The following ADARB1 variants were observed in gnomAD, a reference collection of about 807,000 sequenced individuals.
ADARB1 encodes the protein double-stranded RNA-specific editase 1.
A neutral mutation model predicts 52.4 loss-of-function variants in ADARB1; 10 were observed. The ratio of observed to expected loss-of-function variants is 0.19; its 90% CI spans 0.12 to 0.32. The LOEUF is 0.32. Among genes scored for constraint, ADARB1 ranks in the 10% least tolerant of loss-of-function variants. The pLI, the probability that ADARB1 is intolerant of heterozygous loss-of-function variation, is 1.00. For synonymous variants in ADARB1, 349 were observed against 371.1 expected (o/e 0.94, Z 0.68); for missense variants, 643 against 922.3 (o/e 0.70, Z 3.92).
chr21:45,138,809 G>T (rs1427972109), intron 2 of ADARB1, among the ~76,000 whole-genome samples: 1 of 152,118 alleles, frequency 6.6e-6, no homozygotes, highest in Non-Finnish European at 1.5e-5. Flanking sequence ...CTCGTGGCCT[G>T]TGGGCCCTGG....
At chr21:45,151,510 T>G (rs2090286586) in intron 2 of ADARB1, among the ~76,000 whole-genome samples, 2 of 152,158 alleles carry the variant, frequency 1.3e-5, no homozygotes, top group South Asian at 4.1e-4. Context: ...TTTTTTTTCT[T>G]TTGCCTATGA....
At chr21:45,134,751 A>G in intron 2 of ADARB1, 1 of 529,956 alleles carries the variant, frequency 1.9e-6, no homozygotes, top group South Asian at 1.4e-5. Flanking sequence ...ACCCTCATTC[A>G]TCCAGCGAGC....
intron 2 of ADARB1, among the ~76,000 whole-genome samples, chr21:45,156,002 TCATCCAC>T: frequency 1.5e-5 from 1 of 66,332 alleles, no homozygotes; most frequent in Non-Finnish European, 3.0e-5. Flanking sequence ...CCATCATCCA[TCATCCAC>T]TCACCCACCC....
intron 1 of ADARB1, among the ~76,000 whole-genome samples, chr21:45,112,936 G>A (rs1025815159): frequency 4.6e-5 from 7 of 152,074 alleles, no homozygotes; most frequent in Non-Finnish European, 8.8e-5. Context: ...CAGGCCCTAA[G>A]GGGTGCTGGG....
rs1409317375 is a variant in ADARB1 at position 45,175,900 on chromosome 21, C to T, written c.199C>T (p.Leu67=). 3 of 1,610,320 alleles carry T rather than the reference C, an allele frequency of 1.9e-6. No individual in the cohort carries two copies. The highest frequency in any genetic ancestry group is 2.5e-6 in the Non-Finnish European group (3 of 1,178,424). ...EGSNGHSKYR[L]KKRRKTPGPV... ...CAGCAATGGCCACTCCAAGTACCGCCTGAAGAAAAGGAGGAAAACACCAGG... is the reference window on the plus strand; with the variant it reads ...CAGCAATGGCCACTCCAAGTACCGCTTGAAGAAAAGGAGGAAAACACCAGG... Residue 67 remains leucine (L), a synonymous_variant, in exon 4 of 11, where the codon CTG becomes TTG. Transcript: ENST00000348831.
intron 1 of ADARB1, among the ~76,000 whole-genome samples, chr21:45,096,084 A>G (rs201452508): frequency 6.6e-6 from 1 of 152,246 alleles, no homozygotes; most frequent in African/African-American, 2.4e-5. Flanking sequence ...CGGGTTTGCT[A>G]ATCCTTTATC....
chr21:45,142,868 A>C lies in ADARB1; in HGVS notation c.-48+14295A>C, dbSNP rs1340941499. Among the ~76,000 whole-genome samples, 1 of 152,096 alleles carries C rather than the reference A, an allele frequency of 6.6e-6. No individual in the cohort carries two copies. The highest frequency in any genetic ancestry group is 1.5e-5 in the Non-Finnish European group (1 of 68,018). On this transcript the variant is annotated intron_variant, in intron 2 of 10. Transcript: ENST00000348831. The surrounding 1 kb of genome is among the most constrained non-coding windows in gnomAD (Gnocchi z 4.0). ...TAATAGAAGAGGGAGCAGGGCTTTG[A>C]CCAGGGGGACCAGCTAGTGACTCTG...
At chr21:45,150,007 G>C (rs1283399916) in intron 2 of ADARB1, among the ~76,000 whole-genome samples, 3 of 152,258 alleles carry the variant, frequency 2.0e-5, no homozygotes, top group African/African-American at 7.2e-5. Context: ...CATTGGGCCA[G>C]ATGCGGTGGC....
At chr21:45,207,736 C>A (rs187612638) in intron 9 of ADARB1, among the ~76,000 whole-genome samples, 1 of 152,318 alleles carries the variant, frequency 6.6e-6, no homozygotes, top group East Asian at 1.9e-4. Flanking sequence ...TTATAAAGGT[C>A]ATTCCCGTGT....
chr21:45,222,369 G>A lies in ADARB1; in HGVS notation c.*172G>A, dbSNP rs2092981508. 2 of 1,365,688 alleles carry A rather than the reference G, an allele frequency of 1.5e-6. No homozygotes were observed. Among genetic ancestry groups the A allele is most frequent in the Admixed American group, 3.5e-5 (1 of 28,830 alleles). The allele number at this position is 1,365,688 out of a possible 1,614,324, so 84.6% of individuals were successfully genotyped here. On this transcript the variant is annotated 3_prime_UTR_variant, in exon 11 of 11. Coordinates refer to ENST00000348831, the MANE Select transcript of ADARB1 (RefSeq NM_001112.4). ...AGCATCTCACATCAGACCTGGGGCA[G>A]GTGCGCAGTGTGGGGAGGGGATGGG... is the stretch of plus-strand genomic sequence containing the variant.
chr21:45,103,303 C>T (rs547594003), intron 1 of ADARB1, among the ~76,000 whole-genome samples: 19 of 151,848 alleles, frequency 1.3e-4, no homozygotes, highest in African/African-American at 2.2e-4. Flanking sequence ...TTCCATGGGC[C>T]GAGGTGGGGG....
intron 1 of ADARB1, among the ~76,000 whole-genome samples, chr21:45,095,359 C>G (rs2086714753): frequency 2.0e-5 from 3 of 152,264 alleles, no homozygotes; most frequent in African/African-American, 7.2e-5. Flanking sequence ...ATCCCCTCCC[C>G]AGGCTCCTGT....
chr21:45,129,708 C>A (rs1327285840), intron 2 of ADARB1, among the ~76,000 whole-genome samples: 1 of 152,058 alleles, frequency 6.6e-6, no homozygotes, highest in African/African-American at 2.4e-5. Flanking sequence ...ATGGGAGTGG[C>A]TGGTGCAGAG....
At chr21:45,103,345 C>T (rs1358925140) in intron 1 of ADARB1, among the ~76,000 whole-genome samples, 4 of 151,840 alleles carry the variant, frequency 2.6e-5, no homozygotes, top group Non-Finnish European at 5.9e-5. Context: ...GATTCCAGCG[C>T]GTTACATTTA....
intron 2 of ADARB1, among the ~76,000 whole-genome samples, chr21:45,133,151 C>T (rs2089062528): frequency 6.6e-6 from 1 of 152,210 alleles, no homozygotes; most frequent in South Asian, 2.1e-4. Flanking sequence ...AAGCCTGAGC[C>T]CCTGATTCTG....
chr21:45,202,553 G>A (rs2092577777), intron 8 of ADARB1, among the ~76,000 whole-genome samples: 1 of 152,116 alleles, frequency 6.6e-6, no homozygotes, highest in East Asian at 1.9e-4. Context: ...GTGACAGAGG[G>A]GGGATATATG....
chr21:45,140,211 A>T (rs1335353409), intron 2 of ADARB1, among the ~76,000 whole-genome samples: 1 of 152,170 alleles, frequency 6.6e-6, no homozygotes, highest in Non-Finnish European at 1.5e-5. Flanking sequence ...GCCAAAAATC[A>T]TTCTTCTAAA....
At chr21:45,075,340 G>C (rs982248696) in intron 1 of ADARB1, among the ~76,000 whole-genome samples, 1 of 150,726 alleles carries the variant, frequency 6.6e-6, no homozygotes, top group African/African-American at 2.4e-5. Flanking sequence ...GCCGGGGGAC[G>C]GCAGGCTGCG....
At chr21:45,120,492 G>A (rs573690399) in intron 1 of ADARB1, among the ~76,000 whole-genome samples, 2 of 152,284 alleles carry the variant, frequency 1.3e-5, no homozygotes, top group Non-Finnish European at 2.9e-5. Flanking sequence ...CCTGGCACTC[G>A]CTCAGGATCC....
Sources: allele counts gnomAD v4.1 joint callset (sites outside exome capture counted in the v4.1 genomes callset), GRCh38; gene constraint gnomAD v4.1.1; non-coding constraint Gnocchi (gnomAD v3.1); transcripts MANE v1.5; gene names NCBI Gene and HGNC (gene_info 2026-07-23, HGNC 2026-07-21).